The following WDR33 variants were observed in gnomAD, a reference collection of about 807,000 sequenced individuals.
The protein encoded by WDR33 is pre-mRNA 3' end processing protein WDR33.
In WDR33, 47 loss-of-function variants were observed where a neutral mutation model predicts 164.9. The ratio of observed to expected loss-of-function variants is 0.29; its 90% confidence interval spans 0.23 to 0.36. WDR33 has a LOEUF of 0.36. Ranked by LOEUF, WDR33 falls within the 10% of genes least tolerant of loss-of-function variation. WDR33 has a pLI of 1.00. For missense variants in WDR33, 1,137 were observed against 1,754.1 expected (o/e 0.65, Z 6.28); for synonymous variants, 505 against 589.0 (o/e 0.86, Z 2.06).
intron 7 of WDR33, among the ~76,000 whole-genome samples, chr2:127,731,712 T>C (rs1351249112): frequency 2.0e-5 from 3 of 152,232 alleles, no homozygotes; most frequent in African/African-American, 7.2e-5. Context: ...GGAAATGTTC[T>C]ATATCTAGAT....
chr2:127,802,232 T>C (rs1275975295), intron 1 of WDR33, among the ~76,000 whole-genome samples: 1 of 150,354 alleles, frequency 6.7e-6, no homozygotes, highest in Admixed American at 6.6e-5. Context: ...AAAAAAAAAA[T>C]CAAGTGTCAC....
In WDR33 at chr2:127,741,157, T is replaced by G. The variant is rs1311812522; in HGVS notation, c.725-14380A>C. 1.3e-5 allele frequency among the ~76,000 whole-genome samples: 2 copies of G among 152,132 alleles called. No homozygotes were observed. Among genetic ancestry groups the G allele is most frequent in the Non-Finnish European group, 2.9e-5 (2 of 68,034 alleles). The stretch of plus-strand genomic sequence containing the variant: ...ATGCTCTCAGTCAGACAAAGCAAAT[T>G]ATACAAAGCACATTTGTTACAAAAA... On this transcript the variant is annotated intron_variant, in intron 7 of 21. Transcript: ENST00000322313. The surrounding 1 kb of genome is among the most constrained non-coding windows in gnomAD (Gnocchi z 4.1).
chr2:127,785,528 A>G (rs1688532156), intron 1 of WDR33, among the ~76,000 whole-genome samples: 1 of 152,082 alleles, frequency 6.6e-6, no homozygotes, highest in South Asian at 2.1e-4. Context: ...CTGTCTCCAC[A>G]GTTTTGCCCT....
At chr2:127,772,535 T>C (rs1688044078) in intron 1 of WDR33, among the ~76,000 whole-genome samples, 1 of 152,198 alleles carries the variant, frequency 6.6e-6, no homozygotes, top group South Asian at 2.1e-4. Context: ...CTCTTTAAAA[T>C]TTGACTTTTG....
At chr2:127,755,634 G>T (rs1301528245) in intron 7 of WDR33, among the ~76,000 whole-genome samples, 1 of 152,178 alleles carries the variant, frequency 6.6e-6, no homozygotes, top group Non-Finnish European at 1.5e-5. Context: ...GCCTTTTTTA[G>T]AAATTTGTGT....
chr2:127,758,612 G>A (rs1041093240), intron 7 of WDR33, among the ~76,000 whole-genome samples: 3 of 152,178 alleles, frequency 2.0e-5, no homozygotes, highest in African/African-American at 7.2e-5. Context: ...CTTGTTAACT[G>A]ATTCTCTTTA....
intron 7 of WDR33, among the ~76,000 whole-genome samples, chr2:127,756,057 G>C (rs1211822242): frequency 2.6e-5 from 4 of 152,126 alleles, no homozygotes; most frequent in African/African-American, 4.8e-5. Flanking sequence ...AAAGTGGCCA[G>C]GCACAGTGGC....
chr2:127,776,960 G>A (rs1022924050), intron 1 of WDR33, among the ~76,000 whole-genome samples: 7 of 152,180 alleles, frequency 4.6e-5, no homozygotes, highest in Admixed American at 1.3e-4. Context: ...CTTGAGGTAT[G>A]CTAACAGAAC....
At chr2:127,749,062 G>A (rs1687243600) in intron 7 of WDR33, among the ~76,000 whole-genome samples, 1 of 152,162 alleles carries the variant, frequency 6.6e-6, no homozygotes, top group Non-Finnish European at 1.5e-5. Flanking sequence ...ATGTGGCCGG[G>A]CTTGGTGGCT....
chr2:127,730,901 T>C (rs72968945), intron 7 of WDR33, among the ~76,000 whole-genome samples: 2 of 151,924 alleles, frequency 1.3e-5, no homozygotes, highest in African/African-American at 4.8e-5. Flanking sequence ...TCTCGATTTT[T>C]TTTGTTTGTT....
Position 127,719,388 on chromosome 2 carries a change from T to G in WDR33, c.2637A>C (p.Gly879=). 2 of 1,515,368 alleles carry G rather than the reference T, an allele frequency of 1.3e-6. No individual in the cohort carries two copies. Among genetic ancestry groups the G allele is most frequent in the Non-Finnish European group, 1.8e-6 (2 of 1,133,254 alleles). 93.9% of individuals were successfully genotyped at this position (1,515,368 alleles called of 1,614,324 possible). ...TCTGCTGTCCCTGAGGTCCGGGGGGTCCTTGCATGCCACCCTGGGGTGGAG... is the reference window on the plus strand; with the variant it reads ...TCTGCTGTCCCTGAGGTCCGGGGGGGCCTTGCATGCCACCCTGGGGTGGAG... ...LGPPPQGGMQ[G]PPGPQGQQNP... is the part of the protein sequence containing the mutation. The change falls in exon 16 of 22, where the codon GGA becomes GGC. Residue 879 remains glycine, a synonymous_variant. Transcript: ENST00000322313. This position sits in a 1 kb window ranked among gnomAD's most constrained non-coding sequence, Gnocchi z 6.5.
At position 127,705,486 on chromosome 2, in the gene WDR33, G is replaced by A. The variant is rs555573444; in HGVS notation, c.*837C>T. On this transcript the variant is annotated 3_prime_UTR_variant, in exon 22 of 22. Transcript: ENST00000322313. This position sits in a 1 kb window ranked among gnomAD's most constrained non-coding sequence, Gnocchi z 4.5. The stretch of plus-strand genomic sequence containing the variant: ...GGTCCATTCCTTATCAACTCCATGT[G>A]TGATTTCAAGTTATCTAAAGGGCAT... 2 of 152,304 alleles carry A rather than the reference G, an allele frequency of 1.3e-5. No homozygotes were observed. Among genetic ancestry groups the A allele is most frequent in the South Asian group, 2.1e-4 (1 of 4,828 alleles). The allele number at this position is 152,304 out of a possible 1,614,324, so 9.4% of individuals were successfully genotyped here.
At chr2:127,800,699 G>GA (rs1222868896) in intron 1 of WDR33, among the ~76,000 whole-genome samples, 1 of 151,082 alleles carries the variant, frequency 6.6e-6, no homozygotes, top group African/African-American at 2.4e-5. Context: ...ATTGCAGAGG[G>GA]AAAAAAATAA....
At chr2:127,711,772 A>ATTTTTT (rs1419760091) in intron 18 of WDR33, among the ~76,000 whole-genome samples, 4,488 of 87,314 alleles carry the variant, frequency 0.051, 337 homozygotes, top group South Asian at 0.11. Context: ...ATATATATAT[A>ATTTTTT]TATATATATT....
chr2:127,773,648 T>C (rs1208776254), intron 1 of WDR33, among the ~76,000 whole-genome samples: 4 of 152,038 alleles, frequency 2.6e-5, no homozygotes. Context: ...ATAAGGCTGG[T>C]GGAAGACTGT....
chr2:127,809,725 C>T (rs1689579849), intron 1 of WDR33, among the ~76,000 whole-genome samples: 1 of 152,080 alleles, frequency 6.6e-6, no homozygotes, highest in African/African-American at 2.4e-5. Flanking sequence ...CGTGAGCCAC[C>T]GCGCCCGGCC....
intron 7 of WDR33, among the ~76,000 whole-genome samples, chr2:127,744,884 T>C (rs567752127): frequency 5.5e-4 from 83 of 152,222 alleles, no homozygotes; most frequent in African/African-American, 1.8e-3. Context: ...AATTCTTACT[T>C]CCATGCAATT....
At chr2:127,760,445 A>T (rs1379131412) in intron 7 of WDR33, among the ~76,000 whole-genome samples, 1 of 152,188 alleles carries the variant, frequency 6.6e-6, no homozygotes, top group East Asian at 1.9e-4. Context: ...TGACTTTGTG[A>T]TCCAGTTTTC....
intron 1 of WDR33, among the ~76,000 whole-genome samples, chr2:127,801,626 C>T (rs1689248137): frequency 6.6e-6 from 1 of 151,806 alleles, no homozygotes; most frequent in African/African-American, 2.4e-5. Flanking sequence ...TGGTTCATGC[C>T]TATCTCAGGA....
Sources: gnomAD v4.1 joint callset for allele counts (sites outside exome capture counted in the v4.1 genomes callset) on GRCh38, gnomAD v4.1.1 for gene constraint, Gnocchi (gnomAD v3.1) non-coding constraint, MANE v1.5 for transcripts, NCBI Gene and HGNC (gene_info 2026-07-23, HGNC 2026-07-21) for gene names.